Variants in MPV17L2 observed in about 807,000 individuals in gnomAD.
MPV17L2 encodes the protein mpv17-like protein 2.
MPV17L2 carries 25 observed loss-of-function variants against 24.2 expected under a neutral mutation model. The observed-to-expected ratio is 1.03, with a 90% CI of 0.75 to 1.44. The LOEUF is 1.44. Ranked by LOEUF, MPV17L2 falls within the 40% of genes most tolerant of loss-of-function variation. The pLI, the probability that MPV17L2 is intolerant of heterozygous loss-of-function variation, is 0.00. For synonymous variants in MPV17L2, 130 were observed against 121.4 expected (o/e 1.07, Z -0.46); for missense variants, 271 against 276.2 (o/e 0.98, Z 0.13).
At position 18,194,852 on chromosome 19, in the gene MPV17L2, A is replaced by G. The variant is rs1365971002; in HGVS notation, c.434A>G (p.Lys145Arg). The G allele has an allele frequency of 6.2e-7, 1 of 1,603,120 alleles. No homozygotes were observed. Among genetic ancestry groups the G allele is most frequent in the Non-Finnish European group, 8.5e-7 (1 of 1,175,804 alleles). Reference protein sequence around the residue: ...ELREKFWEFYKADWCVWPAAQ... With the variant: ...ELREKFWEFYRADWCVWPAAQ... Reference sequence around the variant, plus strand: ...CGGGAGAAGTTCTGGGAATTCTACAAGGTGGGAGCACCCGCCCCTTGCACA... The same window carrying G: ...CGGGAGAAGTTCTGGGAATTCTACAGGGTGGGAGCACCCGCCCCTTGCACA... Residue 145 changes from lysine to arginine, a missense_variant and splice_region_variant, in exon 3 of 5, where the codon AAG (lysine) becomes AGG (arginine). Lys to Arg is a conservative substitution (Grantham distance 26, BLOSUM62 2). Transcript: ENST00000599612.
Position 18,196,138 on chromosome 19 carries a change from A to C in MPV17L2, c.*83A>C. On this transcript the variant is annotated 3_prime_UTR_variant, in exon 5 of 5. Transcript: ENST00000599612. ...CAGAAGGGGAATGGGCTCCTGCAGCAAGCTCGGGTCTTGAGCCACGTCCCA... is the reference window on the plus strand; with the variant it reads ...CAGAAGGGGAATGGGCTCCTGCAGCCAGCTCGGGTCTTGAGCCACGTCCCA... 6.2e-7 allele frequency: 1 copy of C among 1,606,742 alleles called. No individual in the cohort carries two copies.
chr19:18,194,694 G>A (rs1325925692), intron 2 of MPV17L2, 83 bp from the exon 3 acceptor site: 3 of 1,304,368 alleles, frequency 2.3e-6, no homozygotes, highest in East Asian at 2.5e-5. Context: ...GCCCAACCCC[G>A]CCCCCTCCAT....
In MPV17L2 at chr19:18,195,061, C is replaced by T; in HGVS notation, c.539C>T (p.Thr180Met). 6.2e-7 allele frequency: 1 copy of T among 1,614,162 alleles called. No individual in the cohort carries two copies. Residue 180 changes from threonine (T) to methionine (M), a missense_variant, in exon 4 of 5, where the codon ACG becomes ATG. Coordinates refer to ENST00000599612, the MANE Select transcript of MPV17L2 (RefSeq NM_032683.3). ...YINGLTLGWD[T>M]YLSYLKYRSP... Reference sequence around the variant, plus strand: ...AACGGCCTGACGCTGGGCTGGGACACGTACCTGTCCTACTTGAAGTACCGG... The same window carrying T: ...AACGGCCTGACGCTGGGCTGGGACATGTACCTGTCCTACTTGAAGTACCGG...
intron 4 of MPV17L2, 74 bp from the exon 5 acceptor site, chr19:18,195,925 G>A: frequency 6.8e-7 from 1 of 1,460,808 alleles, no homozygotes; most frequent in Non-Finnish European, 9.4e-7. Context: ...GCTGACCTCT[G>A]GCCCAAGGGC....
Position 18,193,418 on chromosome 19 carries a change from C to A in MPV17L2, c.137C>A (p.Ser46Tyr). The change falls in exon 1 of 5, where the codon TCC (serine) becomes TAC (tyrosine). Residue 46 changes from serine to tyrosine, a missense_variant. Transcript: ENST00000599612. ...GCGGCCGGTGATGGCGTGCGCCAGT[C>A]CTGGGAGATCCGCGCCCGGCCCGGC... ...LMAAGDGVRQ[S>Y]WEIRARPGQV... is the part of the protein sequence containing the mutation. The A allele has an allele frequency of 6.4e-7, 1 of 1,561,642 alleles. No individual in the cohort carries two copies. Among genetic ancestry groups the A allele is most frequent in the East Asian group, 2.4e-5 (1 of 41,752 alleles).
rs56726924 is a variant in MPV17L2 at position 18,195,677 on chromosome 19, C to CAAA, written c.565-314_565-312dup. Among the ~76,000 whole-genome samples, 1,039 of 149,580 alleles carry CAAA rather than the reference C, an allele frequency of 6.9e-3. 4 individuals are homozygous for CAAA. The highest frequency in any genetic ancestry group is 0.01 in the Non-Finnish European group (679 of 67,198). ...TGAAACCCTGTCTCTACTAAAAATA[C>CAAA]AAAAAAAAAATTAGCCGGGCGTGGT... On this transcript the variant is annotated intron_variant, in intron 4 of 4. Coordinates refer to ENST00000599612, the MANE Select transcript of MPV17L2 (RefSeq NM_032683.3).
chr19:18,194,918 A>T, intron 3 of MPV17L2, 40 bp from the exon 4 acceptor site: 4 of 684,058 alleles, frequency 5.8e-6, no homozygotes, highest in Non-Finnish European at 8.7e-6. Context: ...GCCCCCGCCC[A>T]GCTCTGGCCC....
At chr19:18,194,649 C>G (rs1198316176) in intron 2 of MPV17L2, 128 bp from the exon 3 acceptor site, 7 of 731,772 alleles carry the variant, frequency 9.6e-6, no homozygotes, top group Non-Finnish European at 1.6e-5. Flanking sequence ...AGTCCCTGTC[C>G]CTCTGCCCGG....
At chr19:18,193,691 C>T (rs1175832742) in intron 1 of MPV17L2, 173 bp from the exon 2 acceptor site, 23 of 1,435,604 alleles carry the variant, frequency 1.6e-5, no homozygotes, top group Admixed American at 1.1e-4. Flanking sequence ...AGCCGCGCCT[C>T]CTGGTGGGGC....
At chr19:18,194,131 TG>T in intron 2 of MPV17L2, 97 bp downstream of exon 2, 3 of 1,412,568 alleles carry the variant, frequency 2.1e-6, no homozygotes, top group Non-Finnish European at 2.9e-6. Context: ...ATTTCCAATT[TG>T]CCCCCTGTTT....
chr19:18,194,715 T>A, intron 2 of MPV17L2, 62 bp from the exon 3 acceptor site: 1 of 1,446,294 alleles, frequency 6.9e-7, no homozygotes, highest in Non-Finnish European at 9.5e-7. Context: ...CGTCAGCCCA[T>A]CTTGTCGTCT....
chr19:18,196,268 C>A lies in MPV17L2; in HGVS notation c.*213C>A, dbSNP rs1967518391. 6.6e-7 allele frequency: 1 copy of A among 1,510,680 alleles called. No individual in the cohort carries two copies. The highest frequency in any genetic ancestry group is 8.8e-7 in the Non-Finnish European group (1 of 1,130,692). 93.6% of individuals were successfully genotyped at this position (1,510,680 alleles called of 1,614,324 possible). A position where few individuals can be genotyped will look rare whatever the true frequency, so the allele number is the denominator to read the frequency against. ...CACACCCATGAAGATGGATGATCAT[C>A]CCCTAGCCCTTCTCAGCAGGAACCT... On this transcript the variant is annotated 3_prime_UTR_variant, in exon 5 of 5. Coordinates refer to ENST00000599612, the MANE Select transcript of MPV17L2 (RefSeq NM_032683.3).
At chr19:18,193,551 G>A in intron 1 of MPV17L2, 83 bp downstream of exon 1, 3 of 1,414,594 alleles carry the variant, frequency 2.1e-6, no homozygotes, top group Admixed American at 3.0e-5. Context: ...CCCCTGACCC[G>A]TGGCCTCAGT....
chr19:18,195,105 C>G lies in MPV17L2; in HGVS notation c.564+19C>G. ...GTACCGGGTGAGTGTGGAGGGCATA[C>G]CAGGCACCCAGGGGACTCCCCAGGG... On this transcript the variant is annotated intron_variant, in intron 4 of 4. Transcript: ENST00000599612. The G allele has an allele frequency of 1.2e-6, 2 of 1,611,106 alleles. No individual in the cohort carries two copies. The highest frequency in any genetic ancestry group is 1.7e-6 in the Non-Finnish European group (2 of 1,178,164).
In MPV17L2 at chr19:18,193,980, G is replaced by C; in HGVS notation, c.304G>C (p.Val102Leu). Reference sequence around the variant, plus strand: ...AGGCTTCCCAAATGTCCTCAAGAAGGTCCTCGTGGATCAGCTGGTAGCCTC... The same window carrying C: ...AGGCTTCCCAAATGTCCTCAAGAAGCTCCTCGTGGATCAGCTGGTAGCCTC... ...LRGFPNVLKK[V>L]LVDQLVASPL... Residue 102 changes from valine (V) to leucine (L), a missense_variant, in exon 2 of 5, where the codon GTC (valine) becomes CTC (leucine). Physicochemically the swap from Val to Leu is conservative, Grantham distance 32. Transcript: ENST00000599612. 2 of 1,614,256 alleles carry C rather than the reference G, an allele frequency of 1.2e-6. No homozygotes were observed. The highest frequency in any genetic ancestry group is 1.7e-6 in the Non-Finnish European group (2 of 1,180,046).
Position 18,193,878 on chromosome 19 carries a change from G to T in MPV17L2, c.202G>T (p.Val68Leu), listed in dbSNP as rs773773887. 6.2e-7 allele frequency: 1 copy of T among 1,614,028 alleles called. No homozygotes were observed. The highest frequency in any genetic ancestry group is 8.5e-7 in the Non-Finnish European group (1 of 1,180,020). The change falls in exon 2 of 5, where the codon GTG becomes TTG. Residue 68 changes from valine to leucine, a missense_variant. By Grantham distance (32) the Val-to-Leu change is conservative. Transcript: ENST00000599612. ...CACTCTTATAGCGAGCATGTTTGCG[G>T]TGGGCTGCAGCATGGGTCCCTTCCT... is the stretch of plus-strand genomic sequence containing the variant. ...DPRRSASMFA[V>L]GCSMGPFLHY... is the part of the protein sequence containing the mutation.
intron 2 of MPV17L2, among the ~76,000 whole-genome samples, chr19:18,194,531 TG>T (rs1008510197): frequency 6.6e-6 from 1 of 152,154 alleles, no homozygotes; most frequent in Non-Finnish European, 1.5e-5. Context: ...GTGTCTCCAT[TG>T]GGGCACGTGT....
Position 18,194,860 on chromosome 19 carries a change from G to T in MPV17L2, c.435+7G>T. ...GTTCTGGGAATTCTACAAGGTGGGA[G>T]CACCCGCCCCTTGCACATGTCCGGC... On this transcript the variant is annotated splice_region_variant and intron_variant, in intron 3 of 4. Coordinates refer to ENST00000599612, the MANE Select transcript of MPV17L2 (RefSeq NM_032683.3). 2 of 1,597,526 alleles carry T rather than the reference G, an allele frequency of 1.3e-6. No homozygotes were observed. The highest frequency in any genetic ancestry group is 1.7e-6 in the Non-Finnish European group (2 of 1,173,328).
Position 18,195,017 on chromosome 19 carries a change from A to T in MPV17L2, c.495A>T (p.Gln165His). 6.2e-7 allele frequency: 1 copy of T among 1,613,668 alleles called. No homozygotes were observed. The highest frequency in any genetic ancestry group is 8.5e-7 in the Non-Finnish European group (1 of 1,179,856). Residue 165 changes from glutamine to histidine, a missense_variant, in exon 4 of 5, where the codon CAA becomes CAT. Gln to His is a conservative substitution (Grantham distance 24, BLOSUM62 0). Transcript: ENST00000599612. ...TGAACTTCCTCTTCGTGCCCCCCCA[A>T]TTTCGAGTCACCTACATCAACGGCC... ...QFVNFLFVPP[Q>H]FRVTYINGLT...
Sources: allele counts gnomAD v4.1 joint callset (sites outside exome capture counted in the v4.1 genomes callset), GRCh38; gene constraint gnomAD v4.1.1; transcripts MANE v1.5; gene names NCBI Gene and HGNC (gene_info 2026-07-23, HGNC 2026-07-21).